The following NCKAP5 variants were observed in gnomAD, a reference collection of about 807,000 sequenced individuals.
NCKAP5 encodes nck-associated protein 5.
Under a neutral mutation model 167.0 loss-of-function variants are expected in NCKAP5, and 92 were observed. That is an observed-to-expected ratio of 0.55 (90% CI 0.47 to 0.66). NCKAP5 has a LOEUF of 0.66. Ranked by LOEUF, NCKAP5 falls within the 30% of genes least tolerant of loss-of-function variation. The probability of loss-of-function intolerance (pLI) is 0.00; values close to 1 mark genes in which losing one functional copy is unlikely to be tolerated. For synonymous variants in NCKAP5, 891 were observed against 877.4 expected (o/e 1.02, Z -0.27); for missense variants, 2,378 against 2,315.0 (o/e 1.03, Z -0.56).
chr2:132,807,715 T>C (rs938957207), intron 11 of NCKAP5, among the ~76,000 whole-genome samples: 1 of 152,200 alleles, frequency 6.6e-6, no homozygotes, highest in African/African-American at 2.4e-5. Context: ...AGTGACAGTT[T>C]GACTTCATTT....
At chr2:133,516,715 C>T (rs944953965) in intron 3 of NCKAP5, among the ~76,000 whole-genome samples, 1 of 152,178 alleles carries the variant, frequency 6.6e-6, no homozygotes, top group African/African-American at 2.4e-5. Flanking sequence ...AAAGCACATC[C>T]CTATAAAATG....
intron 3 of NCKAP5, among the ~76,000 whole-genome samples, chr2:133,471,076 C>T (rs936187343): frequency 6.6e-6 from 1 of 152,238 alleles, no homozygotes; most frequent in African/African-American, 2.4e-5. Flanking sequence ...TCATCATCAT[C>T]ATCAATCATC....
At chr2:132,951,193 C>A (rs971666127) in intron 8 of NCKAP5, among the ~76,000 whole-genome samples, 6 of 152,122 alleles carry the variant, frequency 3.9e-5, no homozygotes, top group African/African-American at 1.4e-4. Context: ...TCTAGAGGAG[C>A]CCCTGTCCAC....
intron 2 of NCKAP5, among the ~76,000 whole-genome samples, chr2:133,542,001 T>C (rs1364385268): frequency 2.0e-5 from 3 of 152,150 alleles, no homozygotes; most frequent in Admixed American, 1.3e-4. Context: ...GTTTGCACAC[T>C]TGACTCACTT....
At position 132,782,728 on chromosome 2, in the gene NCKAP5, C is replaced by T. The variant is rs143304304; in HGVS notation, c.4083G>A (p.Gln1361=). The T allele has an allele frequency of 2.1e-3, 3,366 of 1,614,014 alleles. 10 individuals carry two copies. Among genetic ancestry groups the T allele is most frequent in the Admixed American group, 4.4e-3 (262 of 60,022 alleles). The change falls in exon 14 of 20, where the codon CAG becomes CAA. Residue 1361 remains glutamine (Q), a synonymous_variant. Transcript: ENST00000409261. ...AAGGCAACTTACTTGGGCTCCCATG[C>T]TGACTGCTGAAGCTGCCTGAGCTCC... is the stretch of plus-strand genomic sequence containing the variant. ...SLGSSGSFSS[Q]HGSPSKLPLR...
intron 4 of NCKAP5, among the ~76,000 whole-genome samples, chr2:133,246,686 G>A (rs936484085): frequency 6.6e-6 from 1 of 152,122 alleles, no homozygotes; most frequent in Admixed American, 6.6e-5. Context: ...TATGCATACC[G>A]CGTTGAAAAT....
intron 15 of NCKAP5, among the ~76,000 whole-genome samples, chr2:132,774,611 G>A (rs1682387774): frequency 6.6e-6 from 1 of 152,152 alleles, no homozygotes; most frequent in South Asian, 2.1e-4. Context: ...AGAATTCTGA[G>A]GTCTAGGAAG....
At chr2:132,855,492 C>G (rs1689394672) in intron 11 of NCKAP5, among the ~76,000 whole-genome samples, 1 of 152,216 alleles carries the variant, frequency 6.6e-6, no homozygotes, top group Non-Finnish European at 1.5e-5. Flanking sequence ...CTGGTCCACA[C>G]AAACAGCCAA....
intron 3 of NCKAP5, among the ~76,000 whole-genome samples, chr2:133,348,047 C>G (rs1244814655): frequency 6.6e-6 from 1 of 152,142 alleles, no homozygotes; most frequent in African/African-American, 2.4e-5. Context: ...ATTTAGCAGG[C>G]AGAGAGAAAA....
chr2:132,708,711 A>G (rs1156836482), intron 19 of NCKAP5, among the ~76,000 whole-genome samples: 1 of 152,094 alleles, frequency 6.6e-6, no homozygotes, highest in African/African-American at 2.4e-5. Context: ...TTTATTACCG[A>G]TATTTGTTTT....
chr2:133,219,689 C>T (rs1377915185), intron 4 of NCKAP5, among the ~76,000 whole-genome samples: 1 of 151,672 alleles, frequency 6.6e-6, no homozygotes, highest in Admixed American at 6.6e-5. Flanking sequence ...GTACATTTTA[C>T]ATCAGCTGGA....
At chr2:133,384,715 G>A (rs376230512) in intron 3 of NCKAP5, among the ~76,000 whole-genome samples, 5 of 152,058 alleles carry the variant, frequency 3.3e-5, no homozygotes, top group Non-Finnish European at 7.4e-5. Flanking sequence ...ATTTGTTTGT[G>A]TCCTCTTTTA....
chr2:133,058,986 G>T (rs1301091217), intron 6 of NCKAP5, among the ~76,000 whole-genome samples: 1 of 152,182 alleles, frequency 6.6e-6, no homozygotes, highest in Non-Finnish European at 1.5e-5. Flanking sequence ...ACTGAGACAA[G>T]ACTCTCCACC....
the NCKAP5 span, among the ~76,000 whole-genome samples, chr2:133,652,058 C>G: frequency 5.9e-5 from 9 of 152,286 alleles, no homozygotes; most frequent in Admixed American, 1.3e-4. Context: ...GTCTCTTGAT[C>G]TGACAAGTCC....
At chr2:133,175,116 C>T (rs1335376729) in intron 5 of NCKAP5, among the ~76,000 whole-genome samples, 1 of 151,204 alleles carries the variant, frequency 6.6e-6, no homozygotes, top group Non-Finnish European at 1.5e-5. Context: ...TCTCTAACTA[C>T]TGAACTTTTT....
At position 133,271,230 on chromosome 2, in the gene NCKAP5, C is replaced by A. The variant is rs565905466; in HGVS notation, c.143+31807G>T. 3.9e-5 allele frequency among the ~76,000 whole-genome samples: 6 copies of A among 152,116 alleles called. No individual in the cohort carries two copies. In the South Asian group the frequency reaches 1.0e-3, roughly 26 times the overall value. ...TACAGGTGTGAGCCACTGCACCCGG[C>A]CTTGTTGCTTCATTCTTTCCTTGCT... On this transcript the variant is annotated intron_variant, in intron 4 of 19. Coordinates refer to ENST00000409261, the MANE Select transcript of NCKAP5 (RefSeq NM_207363.3).
At chr2:132,956,776 G>A (rs764399965) in intron 8 of NCKAP5, among the ~76,000 whole-genome samples, 27 of 152,138 alleles carry the variant, frequency 1.8e-4, no homozygotes, top group Non-Finnish European at 3.7e-4. Flanking sequence ...CAGAGCCGAG[G>A]ATGGATTCTG....
chr2:133,609,877 T>C, the NCKAP5 span, among the ~76,000 whole-genome samples: 2 of 152,132 alleles, frequency 1.3e-5, no homozygotes, highest in Non-Finnish European at 2.9e-5. Flanking sequence ...TAAACAGCAA[T>C]AATAAGTAAG....
At chr2:133,068,410 A>G (rs947905923) in intron 6 of NCKAP5, among the ~76,000 whole-genome samples, 4 of 152,204 alleles carry the variant, frequency 2.6e-5, no homozygotes, top group African/African-American at 4.8e-5. Flanking sequence ...TCTAGTCAAA[A>G]GAATAGTAGT....
Sources: allele counts gnomAD v4.1 joint callset (sites outside exome capture counted in the v4.1 genomes callset), GRCh38; gene constraint gnomAD v4.1.1; transcripts MANE v1.5; gene names NCBI Gene and HGNC (gene_info 2026-07-23, HGNC 2026-07-21).